ZNF407: variants seen among roughly 807,000 people sequenced by gnomAD.
ZNF407 encodes zinc finger protein 407.
In ZNF407, 17 loss-of-function variants were observed where a neutral mutation model predicts 131.2. That is an observed-to-expected ratio of 0.13 (90% CI 0.09 to 0.19). The LOEUF is 0.19. Among genes scored for constraint, ZNF407 ranks in the 10% least tolerant of loss-of-function variants. The pLI, the probability that ZNF407 is intolerant of heterozygous loss-of-function variation, is 1.00. For synonymous variants in ZNF407, 1,156 were observed against 1,062.0 expected, an observed-to-expected ratio of 1.09 and a Z score of -1.72; for missense variants, 2,681 against 2,830.6, an observed-to-expected ratio of 0.95 and a Z score of 1.20.
chr18:74,876,498 A>G (rs1032471386), intron 4 of ZNF407, among the ~76,000 whole-genome samples: 2 of 152,200 alleles, frequency 1.3e-5, no homozygotes, highest in Admixed American at 1.3e-4. Context: ...TATTAAAGGT[A>G]TTGAAAGGTC....
chr18:74,961,590 C>G (rs1479916809), intron 8 of ZNF407, among the ~76,000 whole-genome samples: 1 of 151,824 alleles, frequency 6.6e-6, no homozygotes, highest in Non-Finnish European at 1.5e-5. Context: ...TGTGGTGACG[C>G]GTGCCAATAG....
chr18:74,971,051 C>A (rs1456525201), intron 8 of ZNF407, among the ~76,000 whole-genome samples: 1 of 152,224 alleles, frequency 6.6e-6, no homozygotes, highest in Non-Finnish European at 1.5e-5. Flanking sequence ...CCCTCTGAAG[C>A]CACAGCCTGA....
At chr18:74,933,680 C>T (rs193218793) in intron 8 of ZNF407, among the ~76,000 whole-genome samples, 49 of 152,190 alleles carry the variant, frequency 3.2e-4, no homozygotes, top group African/African-American at 1.0e-3. Context: ...GGTGAAGTGC[C>T]GTTCAGGGCA....
intron 1 of ZNF407, 102 bp from the exon 2 acceptor site, chr18:74,630,865 T>C: frequency 1.2e-6 from 1 of 813,222 alleles, no homozygotes; most frequent in East Asian, 2.8e-5. Flanking sequence ...GTATAAAGGG[T>C]GTTTCATTGG....
At chr18:74,852,135 T>G (rs562049666) in intron 4 of ZNF407, among the ~76,000 whole-genome samples, 2 of 151,650 alleles carry the variant, frequency 1.3e-5, no homozygotes, top group Non-Finnish European at 2.9e-5. Flanking sequence ...AAAAACATTC[T>G]GTGTTTATCT....
At chr18:74,937,405 A>G (rs1013793587) in intron 8 of ZNF407, among the ~76,000 whole-genome samples, 4 of 152,240 alleles carry the variant, frequency 2.6e-5, no homozygotes, top group Admixed American at 2.6e-4. Context: ...CTGAAACTTT[A>G]AAGACTAGCA....
At chr18:74,694,278 T>G (rs1189926728) in intron 3 of ZNF407, among the ~76,000 whole-genome samples, 1 of 152,084 alleles carries the variant, frequency 6.6e-6, no homozygotes, top group Admixed American at 6.5e-5. Context: ...TTAAGCTCAA[T>G]GTTAAGGTGT....
chr18:74,743,938 AATGG>A (rs1968609104), intron 3 of ZNF407, among the ~76,000 whole-genome samples: 1 of 152,116 alleles, frequency 6.6e-6, no homozygotes, highest in African/African-American at 2.4e-5. Context: ...ACTGCCTCAA[AATGG>A]ATGGTCTCTT....
intron 8 of ZNF407, among the ~76,000 whole-genome samples, chr18:75,055,989 T>C (rs1973557636): frequency 6.6e-6 from 1 of 152,216 alleles, no homozygotes; most frequent in South Asian, 2.1e-4. Flanking sequence ...CATCTCTTCT[T>C]ATAAAACAGC....
At chr18:74,883,990 T>C (rs1335466362) in intron 6 of ZNF407, among the ~76,000 whole-genome samples, 2 of 152,226 alleles carry the variant, frequency 1.3e-5, no homozygotes, top group African/African-American at 4.8e-5. Context: ...CAGATAACAT[T>C]GTTTGAGAGT....
intron 4 of ZNF407, among the ~76,000 whole-genome samples, chr18:74,817,960 A>G (rs1032750196): frequency 6.6e-6 from 1 of 152,192 alleles, no homozygotes; most frequent in Non-Finnish European, 1.5e-5. Flanking sequence ...CTTCATAGCT[A>G]TTGTATTCTG....
chr18:74,808,227 T>C lies in ZNF407; in HGVS notation c.4877+26725T>C, dbSNP rs556273579. Among the ~76,000 whole-genome samples the C allele has an allele frequency of 2.6e-3, 401 of 152,296 alleles. 4 individuals are homozygous for C. Among genetic ancestry groups the C allele is most frequent in the African/African-American group, 9.1e-3 (379 of 41,564 alleles). ...AGGGGTTTCTCCATGTTGATCAGGC[T>C]GGTCTCGAACTCCTGACCTCAGGTG... On this transcript the variant is annotated intron_variant, in intron 4 of 8. Coordinates refer to ENST00000299687, the MANE Select transcript of ZNF407 (RefSeq NM_017757.3).
At chr18:74,847,264 G>A (rs1970715542) in intron 4 of ZNF407, among the ~76,000 whole-genome samples, 1 of 151,998 alleles carries the variant, frequency 6.6e-6, no homozygotes, top group Non-Finnish European at 1.5e-5. Context: ...TGTTTATATG[G>A]GACAGTGTTT....
intron 3 of ZNF407, among the ~76,000 whole-genome samples, chr18:74,763,929 G>A (rs1969167923): frequency 6.6e-6 from 1 of 151,510 alleles, no homozygotes; most frequent in Non-Finnish European, 1.5e-5. Flanking sequence ...TAGCCAGGAT[G>A]GTCTCGATCT....
At chr18:74,623,157 C>CGT (rs36195417) in intron 1 of ZNF407, among the ~76,000 whole-genome samples, 2 of 150,448 alleles carry the variant, frequency 1.3e-5, no homozygotes. Context: ...TGTGTGAGTG[C>CGT]GTGTGTGTGT....
chr18:74,760,418 T>G (rs1269531223), intron 3 of ZNF407, among the ~76,000 whole-genome samples: 1 of 152,226 alleles, frequency 6.6e-6, no homozygotes, highest in Non-Finnish European at 1.5e-5. Context: ...TTTAGATTTC[T>G]GGAGTATGTT....
intron 4 of ZNF407, among the ~76,000 whole-genome samples, chr18:74,826,159 A>T (rs998711320): frequency 6.6e-6 from 1 of 152,214 alleles, no homozygotes; most frequent in Non-Finnish European, 1.5e-5. Flanking sequence ...TTGGTTTTAA[A>T]TTAGAGGAAT....
intron 4 of ZNF407, among the ~76,000 whole-genome samples, chr18:74,784,702 AT>A (rs1969671283): frequency 6.6e-6 from 1 of 152,248 alleles, no homozygotes; most frequent in African/African-American, 2.4e-5. Context: ...TTGCAAGTTC[AT>A]TTGAAAGTAT....
intron 3 of ZNF407, among the ~76,000 whole-genome samples, chr18:74,688,086 C>G (rs1967137037): frequency 6.6e-6 from 1 of 152,120 alleles, no homozygotes; most frequent in African/African-American, 2.4e-5. Flanking sequence ...CTTTAGAACA[C>G]TTTGTTTCTC....
Sources: gnomAD v4.1 joint callset for allele counts (sites outside exome capture counted in the v4.1 genomes callset) on GRCh38, gnomAD v4.1.1 for gene constraint, MANE v1.5 for transcripts, NCBI Gene and HGNC (gene_info 2026-07-23, HGNC 2026-07-21) for gene names.